The following LARGE1 variants were observed in gnomAD, a reference collection of about 807,000 sequenced individuals.
LARGE1 encodes LARGE xylosyl- and glucuronyltransferase 1, also known as xylosyl- and glucuronyltransferase LARGE1.
A neutral mutation model predicts 87.6 loss-of-function variants in LARGE1; 43 were observed. The ratio of observed to expected loss-of-function variants is 0.49; its 90% confidence interval spans 0.38 to 0.63. The LOEUF is 0.63. LARGE1 is among the 30% of genes least tolerant of loss of function. The pLI, the probability that LARGE1 is intolerant of heterozygous loss-of-function variation, is 0.00. For synonymous variants in LARGE1, 434 were observed against 394.6 expected (o/e 1.10, Z -1.18); for missense variants, 802 against 1,000.2 (o/e 0.80, Z 2.67).
chr22:33,639,072 C>T (rs546743961), intron 3 of LARGE1, among the ~76,000 whole-genome samples: 1 of 152,318 alleles, frequency 6.6e-6, no homozygotes, highest in Admixed American at 6.5e-5. Context: ...CACTGTGTGG[C>T]TTCTGAGGCC....
intron 6 of LARGE1, among the ~76,000 whole-genome samples, chr22:33,539,937 G>A (rs1291037365): frequency 1.3e-5 from 2 of 151,906 alleles, no homozygotes; most frequent in African/African-American, 4.8e-5. Context: ...AAGTTCTTCT[G>A]ACCCGGGATA....
Position 33,631,820 on chromosome 22 carries a change from C to A in LARGE1, c.409-5494G>T, listed in dbSNP as rs1282312977. 7.9e-5 allele frequency among the ~76,000 whole-genome samples: 12 copies of A among 152,206 alleles called. 1 individual carries two copies. The highest frequency in any genetic ancestry group is 2.9e-4 in the African/African-American group (12 of 41,450). On this transcript the variant is annotated intron_variant, in intron 3 of 14. Coordinates refer to ENST00000397394, the MANE Select transcript of LARGE1 (RefSeq NM_133642.5). Reference sequence around the variant, plus strand: ...CTATAGTTTTATACAAATGGCAGCGCAGTCGGTTTGTTCACACCAACATCA... The same window carrying A: ...CTATAGTTTTATACAAATGGCAGCGAAGTCGGTTTGTTCACACCAACATCA...
At chr22:33,127,831 CTAGAGTCA>C in the LARGE1 span, among the ~76,000 whole-genome samples, 4 of 152,114 alleles carry the variant, frequency 2.6e-5, no homozygotes, top group African/African-American at 9.7e-5. Flanking sequence ...AATGAATTTC[CTAGAGTCA>C]TAGAGTGAGA....
chr22:33,829,345 C>T (rs1197181464), intron 1 of LARGE1, among the ~76,000 whole-genome samples: 1 of 152,020 alleles, frequency 6.6e-6, no homozygotes, highest in African/African-American at 2.4e-5. Context: ...TCATCCCACC[C>T]TTCACGCATG....
intron 1 of LARGE1, among the ~76,000 whole-genome samples, chr22:33,801,134 C>T (rs190881334): frequency 2.0e-4 from 30 of 152,290 alleles, no homozygotes; most frequent in Non-Finnish European, 3.5e-4. Flanking sequence ...TCTCTTGCCG[C>T]CGCCATGTAA....
chr22:33,604,331 A>G, intron 5 of LARGE1, 104 bp downstream of exon 5: 1 of 1,459,104 alleles, frequency 6.9e-7, no homozygotes, highest in Non-Finnish European at 9.6e-7. Flanking sequence ...ACACATTTTC[A>G]GTTAGGAGCT....
At chr22:33,806,988 G>A (rs936683670) in intron 1 of LARGE1, among the ~76,000 whole-genome samples, 14 of 150,296 alleles carry the variant, frequency 9.3e-5, no homozygotes, top group Non-Finnish European at 1.6e-4. Flanking sequence ...CCAGCCGGGC[G>A]ACACAGTGAG....
intron 6 of LARGE1, among the ~76,000 whole-genome samples, chr22:33,479,175 A>G (rs5749617): frequency 0.25 from 37,263 of 152,068 alleles, 4,894 homozygotes; most frequent in African/African-American, 0.33. Context: ...GCACCCCTTG[A>G]TGCTGCCCTG....
intron 2 of LARGE1, among the ~76,000 whole-genome samples, chr22:33,662,845 C>T (rs955495813): frequency 6.6e-6 from 1 of 152,120 alleles, no homozygotes; most frequent in Non-Finnish European, 1.5e-5. Context: ...TCCTCAGCTC[C>T]ATTGTAAATT....
chr22:33,342,576 C>T (rs1476317776), intron 9 of LARGE1, among the ~76,000 whole-genome samples: 2 of 152,158 alleles, frequency 1.3e-5, no homozygotes, highest in Admixed American at 6.5e-5. Context: ...GAGCATTTTA[C>T]AGATGAGGAG....
the LARGE1 span, among the ~76,000 whole-genome samples, chr22:33,078,677 C>CT: frequency 1.1e-4 from 17 of 152,280 alleles, no homozygotes; most frequent in African/African-American, 3.9e-4. Flanking sequence ...AATTCAACAA[C>CT]ATTGAATTAG....
At chr22:33,750,043 A>G (rs2084255001) in intron 2 of LARGE1, among the ~76,000 whole-genome samples, 1 of 152,200 alleles carries the variant, frequency 6.6e-6, no homozygotes, top group African/African-American at 2.4e-5. Context: ...TAAATGAGAT[A>G]ATATGTGTAA....
chr22:33,314,073 G>A (rs774993256), intron 11 of LARGE1, among the ~76,000 whole-genome samples: 3 of 152,190 alleles, frequency 2.0e-5, no homozygotes, highest in Non-Finnish European at 4.4e-5. Context: ...GAGTGATCAT[G>A]TGGATGTGGA....
At chr22:33,079,157 G>A in the LARGE1 span, among the ~76,000 whole-genome samples, 4 of 150,786 alleles carry the variant, frequency 2.7e-5, no homozygotes, top group Admixed American at 2.6e-4. Flanking sequence ...AAATGATTAA[G>A]GTACATAAAG....
At chr22:33,131,516 C>CA in the LARGE1 span, among the ~76,000 whole-genome samples, 1 of 152,170 alleles carries the variant, frequency 6.6e-6, no homozygotes, top group Admixed American at 6.5e-5. Context: ...TTAATGGACT[C>CA]ACAGTTCCAC....
intron 14 of LARGE1, among the ~76,000 whole-genome samples, chr22:33,276,462 A>G (rs1467335260): frequency 2.6e-5 from 4 of 152,210 alleles, no homozygotes; most frequent in African/African-American, 9.6e-5. Context: ...GAAGCTCAAA[A>G]CACTTACTAT....
At chr22:33,394,528 C>A (rs879774197) in intron 7 of LARGE1, among the ~76,000 whole-genome samples, 1 of 152,138 alleles carries the variant, frequency 6.6e-6, no homozygotes, top group East Asian at 1.9e-4. Flanking sequence ...GACAAACTTG[C>A]AAAGTAGATG....
intron 2 of LARGE1, among the ~76,000 whole-genome samples, chr22:33,675,437 T>C (rs1184336170): frequency 6.6e-6 from 1 of 150,658 alleles, no homozygotes; most frequent in Non-Finnish European, 1.5e-5. Context: ...AACTGGGAAG[T>C]AGGGCATAGA....
chr22:33,631,300 T>C (rs1185204218), intron 3 of LARGE1, among the ~76,000 whole-genome samples: 1 of 152,188 alleles, frequency 6.6e-6, no homozygotes, highest in African/African-American at 2.4e-5. Flanking sequence ...CCAGAGTAGC[T>C]GGGACTATAA....
Sources: gnomAD v4.1 joint callset for allele counts (sites outside exome capture counted in the v4.1 genomes callset) on GRCh38, gnomAD v4.1.1 for gene constraint, MANE v1.5 for transcripts, NCBI Gene and HGNC (gene_info 2026-07-23, HGNC 2026-07-21) for gene names.